SLCO3A1: variants seen among roughly 807,000 people sequenced by gnomAD.
SLCO3A1 encodes the protein solute carrier organic anion transporter family member 3A1.
SLCO3A1 carries 27 observed loss-of-function variants against 63.1 expected under a neutral mutation model. That is an observed-to-expected ratio of 0.43 (90% CI 0.32 to 0.59). The LOEUF (loss-of-function observed/expected upper bound fraction) is 0.59. Among genes scored for constraint, SLCO3A1 ranks in the 20% least tolerant of loss-of-function variants. The pLI, the probability that SLCO3A1 is intolerant of heterozygous loss-of-function variation, is 0.09. For missense variants in SLCO3A1, 773 were observed against 945.8 expected, an observed-to-expected ratio of 0.82 and a Z score of 2.40; for synonymous variants, 473 against 409.9, an observed-to-expected ratio of 1.15 and a Z score of -1.86.
At position 92,163,427 on chromosome 15, in the gene SLCO3A1, G is replaced by T. The variant is rs777722279; in HGVS notation, c.*292G>T. 9.3e-7 allele frequency: 1 copy of T among 1,071,726 alleles called. No homozygotes were observed. Among genetic ancestry groups the T allele is most frequent in the African/African-American group, 1.7e-5 (1 of 60,402 alleles). 66.4% of individuals were successfully genotyped at this position (1,071,726 alleles called of 1,614,324 possible). A position where few individuals can be genotyped will look rare whatever the true frequency, so the allele number is the denominator to read the frequency against. On this transcript the variant is annotated 3_prime_UTR_variant, in exon 10 of 10. Coordinates refer to ENST00000318445, the MANE Select transcript of SLCO3A1 (RefSeq NM_013272.4). ...CATGGTTTTCAGGATGCTGACAGCTGCAAGCAACAGGCACTGCCAAATTCA... is the reference window on the plus strand; with the variant it reads ...CATGGTTTTCAGGATGCTGACAGCTTCAAGCAACAGGCACTGCCAAATTCA...
intron 2 of SLCO3A1, among the ~76,000 whole-genome samples, chr15:92,031,269 A>G (rs2046645193): frequency 1.3e-5 from 2 of 152,230 alleles, no homozygotes; most frequent in South Asian, 4.1e-4. Context: ...ATGACTCAGT[A>G]GAAAAACAAT....
chr15:91,892,664 C>T (rs879781794), intron 1 of SLCO3A1, among the ~76,000 whole-genome samples: 58 of 152,306 alleles, frequency 3.8e-4, no homozygotes, highest in Middle Eastern at 3.4e-3. Context: ...GCCTGAGACT[C>T]GGTTATCACA....
chr15:92,131,717 C>T (rs2047999665), intron 7 of SLCO3A1, among the ~76,000 whole-genome samples: 1 of 145,426 alleles, frequency 6.9e-6, no homozygotes, highest in Admixed American at 6.8e-5. Context: ...GCTCTCCCTG[C>T]CCCTGGGCCT....
Position 92,163,224 on chromosome 15 carries a change from A to C in SLCO3A1, c.*89A>C. 2 of 1,441,320 alleles carry C rather than the reference A, an allele frequency of 1.4e-6. No individual in the cohort carries two copies. Among genetic ancestry groups the C allele is most frequent in the Non-Finnish European group, 1.8e-6 (2 of 1,105,502 alleles). 89.3% of individuals were successfully genotyped at this position (1,441,320 alleles called of 1,614,324 possible). On this transcript the variant is annotated 3_prime_UTR_variant, in exon 10 of 10. Coordinates refer to ENST00000318445, the MANE Select transcript of SLCO3A1 (RefSeq NM_013272.4). Reference sequence around the variant, plus strand: ...AAAAAAGGTTCCAAAAAAAACCAAAACTCAGTACACACACACAGGCACAGA... The same window carrying C: ...AAAAAAGGTTCCAAAAAAAACCAAACCTCAGTACACACACACAGGCACAGA...
intron 1 of SLCO3A1, among the ~76,000 whole-genome samples, chr15:91,909,238 A>G (rs1292884940): frequency 6.6e-6 from 1 of 152,204 alleles, no homozygotes; most frequent in Non-Finnish European, 1.5e-5. Context: ...TATAGAGATC[A>G]GGGGTTTGGC....
At chr15:91,911,977 A>ATT (rs542970276) in intron 1 of SLCO3A1, among the ~76,000 whole-genome samples, 23 of 147,960 alleles carry the variant, frequency 1.6e-4, no homozygotes, top group Middle Eastern at 3.5e-3. Flanking sequence ...ATGCAAGCTG[A>ATT]TTTTTTTTTT....
intron 2 of SLCO3A1, among the ~76,000 whole-genome samples, chr15:91,952,506 G>A (rs1453464753): frequency 6.6e-6 from 1 of 152,214 alleles, no homozygotes; most frequent in Non-Finnish European, 1.5e-5. Flanking sequence ...CACCTTTTGA[G>A]AGTAAAAATG....
chr15:92,028,530 G>C (rs925849437), intron 2 of SLCO3A1, among the ~76,000 whole-genome samples: 11 of 152,160 alleles, frequency 7.2e-5, no homozygotes, highest in African/African-American at 2.7e-4. Context: ...AGAGAGAAAA[G>C]ATGAGGAGAG....
At chr15:92,026,610 A>G (rs2046576895) in intron 2 of SLCO3A1, among the ~76,000 whole-genome samples, 1 of 152,192 alleles carries the variant, frequency 6.6e-6, no homozygotes, top group South Asian at 2.1e-4. Flanking sequence ...TCTTCAGAGA[A>G]TTTGATGTGA....
At chr15:92,065,035 T>C (rs1459533181) in intron 2 of SLCO3A1, among the ~76,000 whole-genome samples, 2 of 152,128 alleles carry the variant, frequency 1.3e-5, no homozygotes, top group East Asian at 1.9e-4. Flanking sequence ...TCCAACATAA[T>C]GGTTGAGGTG....
Position 91,954,093 on chromosome 15 carries a change from T to C in SLCO3A1, c.646+37635T>C, listed in dbSNP as rs1170045547. On this transcript the variant is annotated intron_variant, in intron 2 of 9. Transcript: ENST00000318445. The surrounding 1 kb of genome is among the most constrained non-coding windows in gnomAD (Gnocchi z 4.7). ...CCATGGGCGATGTCTTCACAGAGCA[T>C]GTAGAAACCCCCACTCATGAGGGAA... Among the ~76,000 whole-genome samples, 1 of 152,180 alleles carries C rather than the reference T, an allele frequency of 6.6e-6. No individual in the cohort carries two copies. Among genetic ancestry groups the C allele is most frequent in the Non-Finnish European group, 1.5e-5 (1 of 68,026 alleles).
At chr15:92,009,314 C>T (rs1024317754) in intron 2 of SLCO3A1, among the ~76,000 whole-genome samples, 7 of 152,170 alleles carry the variant, frequency 4.6e-5, no homozygotes, top group South Asian at 2.1e-4. Flanking sequence ...AGCTCAACCA[C>T]GAGAGAACAG....
intron 4 of SLCO3A1, among the ~76,000 whole-genome samples, chr15:92,107,982 A>G (rs1218292021): frequency 3.3e-5 from 5 of 152,190 alleles, no homozygotes; most frequent in South Asian, 4.1e-4. Context: ...TAGATGAGAA[A>G]ACCAAGCTGG....
intron 3 of SLCO3A1, among the ~76,000 whole-genome samples, chr15:92,095,915 T>G (rs2047533053): frequency 6.6e-6 from 1 of 152,182 alleles, no homozygotes; most frequent in Non-Finnish European, 1.5e-5. Flanking sequence ...ATACAGTGTT[T>G]CCCCTCATAT....
chr15:91,913,803 C>G (rs983180848), intron 1 of SLCO3A1, among the ~76,000 whole-genome samples: 1 of 152,132 alleles, frequency 6.6e-6, no homozygotes, highest in South Asian at 2.1e-4. Context: ...AGTAGACACA[C>G]CCGGTTGGTC....
At chr15:92,016,647 A>G (rs993638891) in intron 2 of SLCO3A1, among the ~76,000 whole-genome samples, 1 of 152,212 alleles carries the variant, frequency 6.6e-6, no homozygotes, top group African/African-American at 2.4e-5. Flanking sequence ...AAGGGGCTGC[A>G]TCAGGATACT....
chr15:92,079,855 G>A (rs748281702), intron 2 of SLCO3A1, among the ~76,000 whole-genome samples: 4 of 152,230 alleles, frequency 2.6e-5, no homozygotes, highest in Non-Finnish European at 2.9e-5. Flanking sequence ...CCCCTTGCTG[G>A]GGGCTTGGGT....
chr15:92,122,031 A>G (rs2047868714), intron 5 of SLCO3A1, among the ~76,000 whole-genome samples: 1 of 152,164 alleles, frequency 6.6e-6, no homozygotes. Context: ...GAGAGAGGAC[A>G]TGGCCTGTGG....
At chr15:91,866,065 A>G (rs1447895077) in intron 1 of SLCO3A1, among the ~76,000 whole-genome samples, 1 of 152,192 alleles carries the variant, frequency 6.6e-6, no homozygotes, top group Non-Finnish European at 1.5e-5. Context: ...GAAGGTAACC[A>G]TGTTACTCTC....
Sources: allele counts gnomAD v4.1 joint callset (sites outside exome capture counted in the v4.1 genomes callset), GRCh38; gene constraint gnomAD v4.1.1; non-coding constraint Gnocchi (gnomAD v3.1); transcripts MANE v1.5; gene names NCBI Gene and HGNC (gene_info 2026-07-23, HGNC 2026-07-21).